The following FRK variants were observed in gnomAD, a reference collection of about 807,000 sequenced individuals.
The protein encoded by FRK is tyrosine-protein kinase FRK.
In FRK, 51 loss-of-function variants were observed where a neutral mutation model predicts 56.4. That is an observed-to-expected ratio of 0.90 (90% CI 0.72 to 1.14). The LOEUF (loss-of-function observed/expected upper bound fraction) is 1.14, where lower values mean the gene tolerates loss of function less well. FRK is among the 50% of genes most tolerant of loss of function. The pLI is 0.00. For synonymous variants in FRK, 245 were observed against 217.9 expected (o/e 1.12, Z -1.10); for missense variants, 570 against 601.4 (o/e 0.95, Z 0.55).
intron 4 of FRK, among the ~76,000 whole-genome samples, chr6:115,959,582 T>G (rs1025021378): frequency 6.6e-6 from 1 of 152,194 alleles, no homozygotes; most frequent in African/African-American, 2.4e-5. Flanking sequence ...TGCCTGTCTC[T>G]TGCTTCATCT....
At chr6:116,096,332 G>A in the FRK span, among the ~76,000 whole-genome samples, 9 of 152,204 alleles carry the variant, frequency 5.9e-5, no homozygotes, top group African/African-American at 2.2e-4. Context: ...GAAGCCAGCT[G>A]TACTTTGTGG....
intron 2 of FRK, among the ~76,000 whole-genome samples, chr6:115,969,326 G>A (rs1773711940): frequency 6.6e-6 from 1 of 152,112 alleles, no homozygotes; most frequent in African/African-American, 2.4e-5. Context: ...CAATTCCACA[G>A]AGCCTAAAAT....
chr6:115,942,700 T>C, intron 7 of FRK, 75 bp from the exon 8 acceptor site: 1 of 1,258,964 alleles, frequency 7.9e-7, no homozygotes, highest in South Asian at 1.3e-5. Flanking sequence ...TTATAGCCAT[T>C]TATACTCTAG....
At chr6:116,093,720 T>C in the FRK span, among the ~76,000 whole-genome samples, 3 of 152,186 alleles carry the variant, frequency 2.0e-5, no homozygotes, top group African/African-American at 4.8e-5. Flanking sequence ...AAATGAATTA[T>C]GCAATGATGT....
intron 2 of FRK, among the ~76,000 whole-genome samples, chr6:115,982,155 A>G (rs967882979): frequency 3.3e-5 from 5 of 152,090 alleles, no homozygotes; most frequent in Admixed American, 6.6e-5. Flanking sequence ...GAATAGAACA[A>G]AAAAGGTAGG....
intron 2 of FRK, among the ~76,000 whole-genome samples, chr6:115,972,325 C>T (rs1055534196): frequency 1.3e-5 from 2 of 152,150 alleles, no homozygotes; most frequent in African/African-American, 4.8e-5. Flanking sequence ...AAGCTGGTGC[C>T]CTAAGTTACC....
At chr6:115,943,519 T>C (rs1772290583) in intron 6 of FRK, among the ~76,000 whole-genome samples, 2 of 146,990 alleles carry the variant, frequency 1.4e-5, no homozygotes, top group South Asian at 4.2e-4. Flanking sequence ...GGAAGCAAAG[T>C]CTATTGTTTG....
intron 6 of FRK, 68 bp downstream of exon 6, chr6:115,944,176 C>G: frequency 8.0e-7 from 1 of 1,245,310 alleles, no homozygotes; most frequent in South Asian, 1.4e-5. Flanking sequence ...AACAGTATAT[C>G]TATTGGTCTA....
chr6:116,015,291 T>C (rs556481956), intron 1 of FRK, among the ~76,000 whole-genome samples: 1 of 152,268 alleles, frequency 6.6e-6, no homozygotes, highest in Non-Finnish European at 1.5e-5. Context: ...TTCTCTGAAC[T>C]CTCTCTCTCC....
rs958564072 is a variant in FRK at position 115,934,806 on chromosome 6, C to T, written c.*7608G>A. The T allele has an allele frequency of 3.3e-5, 5 of 152,030 alleles. No individual in the cohort carries two copies. Among genetic ancestry groups the T allele is most frequent in the Non-Finnish European group, 7.4e-5 (5 of 68,010 alleles). 9.4% of individuals were successfully genotyped at this position (152,030 alleles called of 1,614,324 possible). A position where few individuals can be genotyped will look rare whatever the true frequency, so the allele number is the denominator to read the frequency against. On this transcript the variant is annotated 3_prime_UTR_variant, in exon 8 of 8. Transcript: ENST00000606080. ...TTTGAATATATATTTGATTTTGAAA[C>T]CATCTTGGAAAAGTCTACCTAGTTA...
intron 1 of FRK, among the ~76,000 whole-genome samples, chr6:116,007,869 T>G (rs1394886489): frequency 6.6e-6 from 1 of 152,122 alleles, no homozygotes; most frequent in Non-Finnish European, 1.5e-5. Flanking sequence ...CATTTGAAAG[T>G]TGGGGCACAT....
At chr6:116,028,460 A>G (rs925525064) in intron 1 of FRK, among the ~76,000 whole-genome samples, 2 of 152,150 alleles carry the variant, frequency 1.3e-5, no homozygotes, top group Non-Finnish European at 2.9e-5. Flanking sequence ...CTTAGCAGGA[A>G]TGTATCTTCT....
chr6:116,000,863 C>T (rs1222819194), intron 2 of FRK, among the ~76,000 whole-genome samples: 1 of 152,170 alleles, frequency 6.6e-6, no homozygotes, highest in East Asian at 1.9e-4. Flanking sequence ...TGATGATATA[C>T]CCATGCAACT....
At chr6:116,077,097 T>C in the FRK span, among the ~76,000 whole-genome samples, 1 of 152,238 alleles carries the variant, frequency 6.6e-6, no homozygotes, top group Non-Finnish European at 1.5e-5. Flanking sequence ...TTTAGATTAA[T>C]GAAGTAATTC....
At chr6:116,070,501 C>A in the FRK span, among the ~76,000 whole-genome samples, 1 of 152,076 alleles carries the variant, frequency 6.6e-6, no homozygotes, top group Non-Finnish European at 1.5e-5. Context: ...ATTATGATGT[C>A]CACAAATCAT....
chr6:115,989,894 A>G (rs561668711), intron 2 of FRK, among the ~76,000 whole-genome samples: 102 of 151,914 alleles, frequency 6.7e-4, no homozygotes, highest in Non-Finnish European at 1.3e-3. Flanking sequence ...ACTAATTTAC[A>G]TTCCCACTAC....
chr6:116,042,042 G>T (rs1776738298), intron 1 of FRK, among the ~76,000 whole-genome samples: 1 of 152,198 alleles, frequency 6.6e-6, no homozygotes, highest in African/African-American at 2.4e-5. Flanking sequence ...GTCTACCTGG[G>T]ACACTAGAGC....
In FRK at chr6:115,939,561, A is replaced by G. The variant is rs1312285024; in HGVS notation, c.*2853T>C. On this transcript the variant is annotated 3_prime_UTR_variant, in exon 8 of 8. Transcript: ENST00000606080. The stretch of plus-strand genomic sequence containing the variant: ...AAAATTGTCTCTGTTTGCAGATGAT[A>G]TGAATTGTATATATAGGGAACCCCA... The G allele has an allele frequency of 1.3e-5, 2 of 152,226 alleles. No individual in the cohort carries two copies. Among genetic ancestry groups the G allele is most frequent in the African/African-American group, 4.8e-5 (2 of 41,462 alleles). The allele number at this position is 152,226 out of a possible 1,614,324, so 9.4% of individuals were successfully genotyped here. A position where few individuals can be genotyped will look rare whatever the true frequency, so the allele number is the denominator to read the frequency against.
rs1177108480 is a variant in FRK, at chr6:115,968,631, T to C, written c.575A>G (p.His192Arg). The change falls in exon 3 of 8, where the codon CAC becomes CGC. Residue 192 changes from histidine to arginine, a missense_variant. By Grantham distance (29) the His-to-Arg change is conservative (BLOSUM62 0). Coordinates refer to ENST00000606080, the MANE Select transcript of FRK (RefSeq NM_002031.3). ...IFSTLNEFVS[H>R]YTKTSDGLCV... is the part of the protein sequence containing the mutation. ...CAGGCCGTCACTTGTCTTGGTGTAG[T>C]GGCTCACAAATTCGTTCAGTGTTGA... The C allele has an allele frequency of 3.1e-6, 5 of 1,613,836 alleles. No homozygotes were observed. Among genetic ancestry groups the C allele is most frequent in the Non-Finnish European group, 2.5e-6 (3 of 1,179,878 alleles).
Sources: allele counts gnomAD v4.1 joint callset (sites outside exome capture counted in the v4.1 genomes callset), GRCh38; gene constraint gnomAD v4.1.1; transcripts MANE v1.5; gene names NCBI Gene and HGNC (gene_info 2026-07-23, HGNC 2026-07-21).